Variants in NEK9 observed in about 807,000 individuals in gnomAD.
NEK9 encodes the protein NIMA related kinase 9, also known as serine/threonine-protein kinase Nek9.
In NEK9, 75 loss-of-function variants were observed where a neutral mutation model predicts 123.4. That is an observed-to-expected ratio of 0.61 (90% CI 0.50 to 0.74). The LOEUF is 0.74. Among genes scored for constraint, NEK9 ranks in the 30% least tolerant of loss-of-function variants. The pLI, the probability that NEK9 is intolerant of heterozygous loss-of-function variation, is 0.00. For missense variants in NEK9, 952 were observed against 1,214.4 expected, an observed-to-expected ratio of 0.78 and a Z score of 3.21; for synonymous variants, 438 against 458.7, an observed-to-expected ratio of 0.95 and a Z score of 0.58.
chr14:75,099,834 G>T (rs928583879), intron 16 of NEK9, among the ~76,000 whole-genome samples: 10 of 148,200 alleles, frequency 6.7e-5, no homozygotes, highest in South Asian at 4.3e-4. Context: ...ACTGCGGAAA[G>T]AAATAGCCAC....
At chr14:75,086,334 G>A (rs1158273437) in intron 21 of NEK9, 1 of 151,412 alleles carries the variant, frequency 6.6e-6, no homozygotes, top group African/African-American at 2.4e-5. Flanking sequence ...GATAAAAAAT[G>A]GTTATAAAGG....
chr14:75,081,611 A>ATGTT lies in NEK9; in HGVS notation c.*2949_*2952dup, dbSNP rs1893870118. 6.6e-6 allele frequency: 1 copy of ATGTT among 152,186 alleles called. No individual in the cohort carries two copies. The highest frequency in any genetic ancestry group is 1.5e-5 in the Non-Finnish European group (1 of 68,032). The allele number at this position is 152,186 out of a possible 1,614,324, so 9.4% of individuals were successfully genotyped here. On this transcript the variant is annotated 3_prime_UTR_variant, in exon 22 of 22. Coordinates refer to ENST00000238616, the MANE Select transcript of NEK9 (RefSeq NM_033116.6). The surrounding 1 kb of genome is among the most constrained non-coding windows in gnomAD (Gnocchi z 4.2). ...TTGCCCCTGAATTGTTCTATTATGAATGTTTGTGAACATATGGCAAGTGAA... is the reference window on the plus strand; with the variant it reads ...TTGCCCCTGAATTGTTCTATTATGAATGTTTGTTTGTGAACATATGGCAAGTGAA...
At chr14:75,107,311 T>G (rs1413156690) in intron 11 of NEK9, 32 bp downstream of exon 11, 1 of 1,601,418 alleles carries the variant, frequency 6.2e-7, no homozygotes, top group Admixed American at 1.7e-5. Flanking sequence ...CCACATTAAA[T>G]GCACTTAAGA....
chr14:75,105,485 C>G (rs528691325), intron 13 of NEK9, among the ~76,000 whole-genome samples: 1 of 152,264 alleles, frequency 6.6e-6, no homozygotes, highest in South Asian at 2.1e-4. Flanking sequence ...CCAGCTCTGG[C>G]AAGGCTGAGA....
chr14:75,103,299 T>C (rs759523093), intron 14 of NEK9, among the ~76,000 whole-genome samples: 3 of 152,076 alleles, frequency 2.0e-5, no homozygotes, highest in Non-Finnish European at 2.9e-5. Flanking sequence ...GATCAGTGAT[T>C]TGGGAGAAAT....
Position 75,084,681 on chromosome 14 carries a change from C to T in NEK9, c.2823G>A (p.Gly941=). The T allele has an allele frequency of 1.2e-6, 2 of 1,614,016 alleles. No individual in the cohort carries two copies. Among genetic ancestry groups the T allele is most frequent in the Non-Finnish European group, 1.7e-6 (2 of 1,179,974 alleles). Residue 941 remains glycine (G), a synonymous_variant, in exon 22 of 22, where the codon GGG becomes GGA. Coordinates refer to ENST00000238616, the MANE Select transcript of NEK9 (RefSeq NM_033116.6). Reference sequence around the variant, plus strand: ...CTGTCTGAGTTCCTTTGGAATGCATCCCCACCTGTCCGGATAAAACACGGT... The same window carrying T: ...CTGTCTGAGTTCCTTTGGAATGCATTCCCACCTGTCCGGATAAAACACGGT... ...NKKLEGGQQV[G]MHSKGTQTAK...
rs1893964748 is a variant in NEK9, at chr14:75,084,660, C to CTT, written c.2843_2844insAA (p.Thr949ArgfsTer15). On this transcript the variant is annotated frameshift_variant, in exon 22 of 22. Transcript: ENST00000238616. LOFTEE classifies it high-confidence loss of function. ...CCATTTCCATCTCTTCCTTTGCTGT[C>CTT]TGAGTTCCTTTGGAATGCATCCCCA... The CTT allele has an allele frequency of 1.9e-6, 3 of 1,614,134 alleles. No individual in the cohort carries two copies. Among genetic ancestry groups the CTT allele is most frequent in the Non-Finnish European group, 2.5e-6 (3 of 1,180,006 alleles).
intron 19 of NEK9, among the ~76,000 whole-genome samples, chr14:75,090,453 G>A (rs1188032007): frequency 2.0e-5 from 3 of 151,942 alleles, no homozygotes; most frequent in Non-Finnish European, 2.9e-5. Context: ...ACATTCTTTT[G>A]TGTGTTACAT....
rs1043674 is a variant in NEK9 at position 75,082,667 on chromosome 14, T to C, written c.*1897A>G. Reference sequence around the variant, plus strand: ...CCCCACCTTCTCAGCAACCTGCCCATGTCCATCAGCTCCATGGCAGAAGCA... The same window carrying C: ...CCCCACCTTCTCAGCAACCTGCCCACGTCCATCAGCTCCATGGCAGAAGCA... On this transcript the variant is annotated 3_prime_UTR_variant, in exon 22 of 22. Coordinates refer to ENST00000238616, the MANE Select transcript of NEK9 (RefSeq NM_033116.6). The C allele has an allele frequency of 0.48, 125,304 of 261,374 alleles. 32,043 individuals carry two copies. Among genetic ancestry groups the C allele is most frequent in the East Asian group, 0.83 (12,482 of 15,042 alleles). 16.2% of individuals were successfully genotyped at this position (261,374 alleles called of 1,614,324 possible).
chr14:75,107,458 A>T lies in NEK9; in HGVS notation c.1212T>A (p.Gly404=). The T allele has an allele frequency of 6.2e-7, 1 of 1,612,558 alleles. No homozygotes were observed. Among genetic ancestry groups the T allele is most frequent in the Non-Finnish European group, 8.5e-7 (1 of 1,179,320 alleles). The change falls in exon 11 of 22, where the codon GGT becomes GGA. Residue 404 remains glycine (G), a synonymous_variant. Coordinates refer to ENST00000238616, the MANE Select transcript of NEK9 (RefSeq NM_033116.6). ...AGGCTTTGTCTCCATGGCCCAGCTG[A>T]CCATGGAGTTTAGTGCCTCCTTGCA... is the stretch of plus-strand genomic sequence containing the variant. ...VNMQGGTKLH[G]QLGHGDKASY... is the part of the protein sequence containing the mutation.
At position 75,084,290 on chromosome 14, in the gene NEK9, T is replaced by G. The variant is rs550041527; in HGVS notation, c.*274A>C. The G allele has an allele frequency of 3.6e-4, 139 of 383,774 alleles. 1 individual carries two copies. Among genetic ancestry groups the G allele is most frequent in the Non-Finnish European group, 5.5e-4 (112 of 205,356 alleles). The allele number at this position is 383,774 out of a possible 1,614,324, so 23.8% of individuals were successfully genotyped here. On this transcript the variant is annotated 3_prime_UTR_variant, in exon 22 of 22. Transcript: ENST00000238616. ...CCTCTTCAAAGGTGGGATCAACAGATGAGGTACAGAGCTGCTGTTGCTATG... is the reference window on the plus strand; with the variant it reads ...CCTCTTCAAAGGTGGGATCAACAGAGGAGGTACAGAGCTGCTGTTGCTATG...
At chr14:75,106,059 TG>T (rs1460306264) in intron 12 of NEK9, 63 bp from the exon 13 acceptor site, 1 of 1,448,162 alleles carries the variant, frequency 6.9e-7, no homozygotes, top group Admixed American at 1.7e-5. Context: ...GAATAGGTTC[TG>T]TAAGATTCTC....
At chr14:75,088,768 G>T in intron 19 of NEK9, 127 bp from the exon 20 acceptor site, 1 of 770,576 alleles carries the variant, frequency 1.3e-6, no homozygotes, top group Non-Finnish European at 2.0e-6. Flanking sequence ...AGACAGTTGT[G>T]GTTAACAACA....
chr14:75,090,361 C>T (rs1894174945), intron 19 of NEK9, among the ~76,000 whole-genome samples: 1 of 149,494 alleles, frequency 6.7e-6, no homozygotes, highest in Non-Finnish European at 1.5e-5. Flanking sequence ...TACAAATGGG[C>T]AAAGGAAACT....
At chr14:75,120,920 T>C in intron 3 of NEK9, 199 bp downstream of exon 3, 1 of 667,538 alleles carries the variant, frequency 1.5e-6, no homozygotes, top group Non-Finnish European at 2.7e-6. Context: ...AGAATCATGA[T>C]GTGGAGGTAA....
chr14:75,113,907 C>A (rs1486171171), intron 7 of NEK9, among the ~76,000 whole-genome samples: 1 of 150,900 alleles, frequency 6.6e-6, no homozygotes, highest in Non-Finnish European at 1.5e-5. Context: ...TCTTTCATTG[C>A]AGTTTTTTGA....
chr14:75,108,486 A>C (rs987441412), intron 10 of NEK9, among the ~76,000 whole-genome samples: 1 of 150,482 alleles, frequency 6.6e-6, no homozygotes, highest in Non-Finnish European at 1.5e-5. Flanking sequence ...AAGTCCTCAT[A>C]TTTTATATAT....
chr14:75,114,285 A>G lies in NEK9; in HGVS notation c.791T>C (p.Val264Ala), dbSNP rs1378223006. Residue 264 changes from valine to alanine, a missense_variant, in exon 7 of 22, where the codon GTG becomes GCG. Val to Ala is a moderately conservative substitution (Grantham distance 64). Transcript: ENST00000238616. ...TNPLNLCVKI[V>A]QGIRAMEVDS... Reference sequence around the variant, plus strand: ...AACTTCCATGGCCCGAATTCCTTGCACGATCTTCACACACAGGTTAAGTGG... The same window carrying G: ...AACTTCCATGGCCCGAATTCCTTGCGCGATCTTCACACACAGGTTAAGTGG... 1 of 1,613,986 alleles carries G rather than the reference A, an allele frequency of 6.2e-7. No individual in the cohort carries two copies. The highest frequency in any genetic ancestry group is 8.5e-7 in the Non-Finnish European group (1 of 1,179,988).
At position 75,089,522 on chromosome 14, in the gene NEK9, C is replaced by T. The variant is rs541778083; in HGVS notation, c.2443-881G>A. ...GGGATTACAGGTGTGAGCCACCTCG[C>T]CCAGCCTTATTTATTTATCTATTTA... On this transcript the variant is annotated intron_variant, in intron 19 of 21. Transcript: ENST00000238616. 6.1e-4 allele frequency among the ~76,000 whole-genome samples: 93 copies of T among 151,706 alleles called. 1 individual carries two copies. Among genetic ancestry groups the T allele is most frequent in the African/African-American group, 2.2e-3 (90 of 41,384 alleles).
Sources: allele counts gnomAD v4.1 joint callset (sites outside exome capture counted in the v4.1 genomes callset), GRCh38; gene constraint gnomAD v4.1.1; non-coding constraint Gnocchi (gnomAD v3.1); transcripts MANE v1.5; gene names NCBI Gene and HGNC (gene_info 2026-07-23, HGNC 2026-07-21).